The following KCNQ5 variants were observed in gnomAD, a reference collection of about 807,000 sequenced individuals.
The protein encoded by KCNQ5 is potassium voltage-gated channel subfamily Q member 5, also known as potassium voltage-gated channel subfamily KQT member 5.
A neutral mutation model predicts 98.2 loss-of-function variants in KCNQ5; 30 were observed. The ratio of observed to expected loss-of-function variants is 0.31; its 90% CI spans 0.23 to 0.41. The LOEUF (loss-of-function observed/expected upper bound fraction) is 0.41, where lower values mean the gene tolerates loss of function less well. KCNQ5 is among the 10% of genes least tolerant of loss of function. The pLI is 1.00. For synonymous variants in KCNQ5, 458 were observed against 449.4 expected (o/e 1.02, Z -0.24); for missense variants, 835 against 1,182.5 (o/e 0.71, Z 4.31).
intron 1 of KCNQ5, among the ~76,000 whole-genome samples, chr6:72,852,426 A>C (rs1027431305): frequency 6.6e-6 from 1 of 151,592 alleles, no homozygotes; most frequent in African/African-American, 2.4e-5. Flanking sequence ...AATATTATTC[A>C]GCCATAAAAA....
chr6:73,033,126 T>G (rs1771226039), intron 2 of KCNQ5, among the ~76,000 whole-genome samples: 1 of 152,102 alleles, frequency 6.6e-6, no homozygotes, highest in Non-Finnish European at 1.5e-5. Flanking sequence ...GTAACTGGGA[T>G]GCATAGGGCC....
At chr6:73,137,951 A>T (rs1776539900) in intron 10 of KCNQ5, among the ~76,000 whole-genome samples, 1 of 151,462 alleles carries the variant, frequency 6.6e-6, no homozygotes, top group Non-Finnish European at 1.5e-5. Context: ...TCCCCTTCCC[A>T]TATAAGCCAC....
At chr6:72,715,767 A>G (rs1156768359) in intron 1 of KCNQ5, among the ~76,000 whole-genome samples, 1 of 152,198 alleles carries the variant, frequency 6.6e-6, no homozygotes, top group Middle Eastern at 3.2e-3. Context: ...GAGAAATTCA[A>G]TGCTATGAAA....
At chr6:73,099,529 A>G (rs1774671699) in intron 5 of KCNQ5, among the ~76,000 whole-genome samples, 1 of 152,222 alleles carries the variant, frequency 6.6e-6, no homozygotes, top group Non-Finnish European at 1.5e-5. Context: ...AGGAGTAGCT[A>G]CACTTAGATC....
At chr6:73,183,627 A>G (rs1778475157) in intron 11 of KCNQ5, among the ~76,000 whole-genome samples, 1 of 152,196 alleles carries the variant, frequency 6.6e-6, no homozygotes, top group African/African-American at 2.4e-5. Context: ...CAAGGAGGAC[A>G]ATACTAAATA....
intron 1 of KCNQ5, among the ~76,000 whole-genome samples, chr6:72,836,605 A>ATT (rs539753241): frequency 6.8e-6 from 1 of 148,030 alleles, no homozygotes; most frequent in Non-Finnish European, 1.5e-5. Flanking sequence ...CACTCTGCTA[A>ATT]TTTTTTTTTT....
intron 3 of KCNQ5, among the ~76,000 whole-genome samples, chr6:73,057,574 T>C (rs1053068542): frequency 6.6e-6 from 1 of 151,992 alleles, no homozygotes; most frequent in Admixed American, 6.5e-5. Context: ...CAACAAGCAT[T>C]ATAAAACACT....
At chr6:72,814,326 T>C (rs912328096) in intron 1 of KCNQ5, among the ~76,000 whole-genome samples, 1 of 152,170 alleles carries the variant, frequency 6.6e-6, no homozygotes, top group African/African-American at 2.4e-5. Context: ...CTTCAAGTCG[T>C]CACTCTGGTA....
chr6:72,764,210 C>A (rs921126888), intron 1 of KCNQ5, among the ~76,000 whole-genome samples: 3 of 151,794 alleles, frequency 2.0e-5, no homozygotes, highest in African/African-American at 7.3e-5. Flanking sequence ...AAATTAGGCT[C>A]GATTCTAAAT....
At chr6:73,138,791 A>G (rs1776584211) in intron 10 of KCNQ5, among the ~76,000 whole-genome samples, 1 of 152,164 alleles carries the variant, frequency 6.6e-6, no homozygotes, top group Admixed American at 6.5e-5. Flanking sequence ...AAGATGCAGA[A>G]TATCTTCCGA....
At chr6:73,125,836 A>ATGG (rs367664695) in intron 9 of KCNQ5, among the ~76,000 whole-genome samples, 1 of 824 alleles carries the variant, frequency 1.2e-3, no homozygotes, top group East Asian at 0.031. Flanking sequence ...TGGTAGCTCT[A>ATGG]ACTACCAAAT....
intron 1 of KCNQ5, among the ~76,000 whole-genome samples, chr6:72,772,733 A>G (rs1215043220): frequency 6.6e-6 from 1 of 152,170 alleles, no homozygotes; most frequent in Admixed American, 6.6e-5. Flanking sequence ...CTTGTTGGAT[A>G]AGAAAACAAC....
At chr6:72,789,135 T>C (rs187263956) in intron 1 of KCNQ5, among the ~76,000 whole-genome samples, 7 of 151,744 alleles carry the variant, frequency 4.6e-5, no homozygotes, top group Non-Finnish European at 8.8e-5. Context: ...CCACCCTCCA[T>C]GGTTTTTGTT....
chr6:72,805,833 T>G (rs560572550), intron 1 of KCNQ5, among the ~76,000 whole-genome samples: 1 of 152,274 alleles, frequency 6.6e-6, no homozygotes, highest in East Asian at 1.9e-4. Flanking sequence ...TGTTTCCTCT[T>G]CAATTTCCTT....
At chr6:72,653,237 G>C (rs2154472489) in intron 1 of KCNQ5, among the ~76,000 whole-genome samples, 1 of 151,942 alleles carries the variant, frequency 6.6e-6, no homozygotes, top group Admixed American at 6.6e-5. Flanking sequence ...AATCAGTGGA[G>C]CATGCCATTT....
At chr6:72,989,650 C>T (rs1330833467) in intron 1 of KCNQ5, among the ~76,000 whole-genome samples, 1 of 192 alleles carries the variant, frequency 5.2e-3, no homozygotes, top group Non-Finnish European at 9.8e-3. Context: ...TGCAGAAGCT[C>T]TTTAGTTTAA....
intron 1 of KCNQ5, among the ~76,000 whole-genome samples, chr6:72,697,821 C>A (rs932215224): frequency 1.3e-5 from 2 of 151,956 alleles, no homozygotes; most frequent in Non-Finnish European, 2.9e-5. Flanking sequence ...TTGATTATGG[C>A]GATTATTTCA....
intron 1 of KCNQ5, among the ~76,000 whole-genome samples, chr6:72,753,901 G>C (rs1269926674): frequency 6.6e-6 from 1 of 151,978 alleles, no homozygotes; most frequent in Non-Finnish European, 1.5e-5. Flanking sequence ...AATTTTGTTA[G>C]TATGTAGTAC....
intron 1 of KCNQ5, among the ~76,000 whole-genome samples, chr6:72,623,768 A>T (rs1486129885): frequency 1.3e-5 from 2 of 152,194 alleles, no homozygotes; most frequent in East Asian, 3.8e-4. Context: ...ATACTCGCTG[A>T]TACATTCCTT....
Sources: allele counts gnomAD v4.1 joint callset (sites outside exome capture counted in the v4.1 genomes callset), GRCh38; gene constraint gnomAD v4.1.1; transcripts MANE v1.5; gene names NCBI Gene and HGNC (gene_info 2026-07-23, HGNC 2026-07-21).